Variants in ARHGAP44 observed in about 807,000 individuals in gnomAD.
The protein encoded by ARHGAP44 is rho GTPase-activating protein 44.
In ARHGAP44, 43 loss-of-function variants were observed where a neutral mutation model predicts 106.8. The observed-to-expected ratio is 0.40, with a 90% CI of 0.32 to 0.52. The LOEUF is 0.52. Among genes scored for constraint, ARHGAP44 ranks in the 20% least tolerant of loss-of-function variants. ARHGAP44 has a pLI of 0.48. For synonymous variants in ARHGAP44, 439 were observed against 410.3 expected (o/e 1.07, Z -0.85); for missense variants, 866 against 1,050.5 (o/e 0.82, Z 2.43).
rs147030058 is a variant in ARHGAP44, at chr17:12,920,998, T to A, written c.464+1167T>A. Among the ~76,000 whole-genome samples the A allele has an allele frequency of 4.1e-3, 626 of 152,330 alleles. 4 individuals carry two copies. The highest frequency in any genetic ancestry group is 0.014 in the African/African-American group (575 of 41,572). On this transcript the variant is annotated intron_variant, in intron 6 of 20. Transcript: ENST00000379672. ...AAAGGCAGGTGCGTGAGTATTAATA[T>A]GGAAAGAACTATTTGGTTCTACCTT...
At chr17:12,976,338 C>T (rs1300380017) in intron 18 of ARHGAP44, among the ~76,000 whole-genome samples, 2 of 152,006 alleles carry the variant, frequency 1.3e-5, no homozygotes, top group African/African-American at 4.8e-5. Flanking sequence ...CACGGCCGGG[C>T]ACGGTGGCTC....
chr17:12,980,248 C>T lies in ARHGAP44; in HGVS notation c.1939+15C>T. On this transcript the variant is annotated intron_variant, in intron 19 of 20. Coordinates refer to ENST00000379672, the MANE Select transcript of ARHGAP44 (RefSeq NM_014859.6). ...CCTCCGGAAAGGTATGGCCCTGCTTCCCTTCTCCTTGGTCTCAGGCCGGAG... is the reference window on the plus strand; with the variant it reads ...CCTCCGGAAAGGTATGGCCCTGCTTTCCTTCTCCTTGGTCTCAGGCCGGAG... 1.9e-6 allele frequency: 3 copies of T among 1,595,980 alleles called. No homozygotes were observed. Among genetic ancestry groups the T allele is most frequent in the Non-Finnish European group, 2.6e-6 (3 of 1,170,156 alleles).
chr17:12,804,240 G>A (rs1337677057), intron 1 of ARHGAP44, among the ~76,000 whole-genome samples: 2 of 152,172 alleles, frequency 1.3e-5, no homozygotes, highest in Non-Finnish European at 2.9e-5. Flanking sequence ...GAATAAGAGC[G>A]CTTTCCTCTA....
chr17:12,847,466 C>G (rs114127945), intron 1 of ARHGAP44, among the ~76,000 whole-genome samples: 1 of 149,646 alleles, frequency 6.7e-6, no homozygotes, highest in African/African-American at 2.5e-5. Context: ...TCCGTAACTT[C>G]GTAGCCTCAG....
At chr17:12,882,544 C>G (rs1432588626) in intron 1 of ARHGAP44, among the ~76,000 whole-genome samples, 2 of 152,020 alleles carry the variant, frequency 1.3e-5, no homozygotes, top group African/African-American at 2.4e-5. Context: ...TATTTTCACC[C>G]TCTCCCCAAG....
At chr17:12,918,833 CA>C (rs1184349569) in intron 5 of ARHGAP44, among the ~76,000 whole-genome samples, 4 of 151,608 alleles carry the variant, frequency 2.6e-5, no homozygotes, top group Non-Finnish European at 4.4e-5. Context: ...TTTTTTTTGG[CA>C]GGGCGGGAGT....
At chr17:12,908,191 CTT>C (rs1228178926) in intron 3 of ARHGAP44, among the ~76,000 whole-genome samples, 3 of 95,566 alleles carry the variant, frequency 3.1e-5, no homozygotes, top group African/African-American at 8.7e-5. Flanking sequence ...TGCCTCATTT[CTT>C]TTTTTTTTTT....
chr17:12,798,422 G>GT (rs972611331), intron 1 of ARHGAP44, among the ~76,000 whole-genome samples: 4 of 151,916 alleles, frequency 2.6e-5, no homozygotes, highest in Admixed American at 2.0e-4. Flanking sequence ...ATCACAATGT[G>GT]TTTTTTTCTT....
intron 1 of ARHGAP44, among the ~76,000 whole-genome samples, chr17:12,817,195 T>G (rs2034622816): frequency 6.6e-6 from 1 of 152,036 alleles, no homozygotes; most frequent in African/African-American, 2.4e-5. Flanking sequence ...CATGGGAAAT[T>G]AAAAAGTATT....
chr17:12,885,142 G>A (rs1470144516), intron 1 of ARHGAP44, among the ~76,000 whole-genome samples: 1 of 152,176 alleles, frequency 6.6e-6, no homozygotes, highest in African/African-American at 2.4e-5. Context: ...CTCGTGATCT[G>A]CCCTCCTCGG....
chr17:12,877,567 G>A (rs142795959), intron 1 of ARHGAP44, among the ~76,000 whole-genome samples: 5 of 152,024 alleles, frequency 3.3e-5, no homozygotes, highest in Admixed American at 1.3e-4. Context: ...TGGCTAACAC[G>A]GCGAAATCCC....
In ARHGAP44 at chr17:12,792,044, T is replaced by G. The variant is rs138335907; in HGVS notation, c.53+2153T>G. On this transcript the variant is annotated intron_variant, in intron 1 of 20. Coordinates refer to ENST00000379672, the MANE Select transcript of ARHGAP44 (RefSeq NM_014859.6). ...TCCTTGGTTGGCCTTTTTTCTTAACTCTTTTTCTCCCCATTCTCATCTCTT... is the reference window on the plus strand; with the variant it reads ...TCCTTGGTTGGCCTTTTTTCTTAACGCTTTTTCTCCCCATTCTCATCTCTT... Among the ~76,000 whole-genome samples the G allele has an allele frequency of 2.0e-5, 3 of 152,328 alleles. No homozygotes were observed. In the East Asian group the frequency reaches 5.8e-4, roughly 29 times the overall value.
At chr17:12,835,048 A>T (rs143500444) in intron 1 of ARHGAP44, among the ~76,000 whole-genome samples, 4 of 152,192 alleles carry the variant, frequency 2.6e-5, no homozygotes, top group African/African-American at 7.2e-5. Flanking sequence ...TGCATTTTTA[A>T]TTCATCCGAA....
chr17:12,837,504 A>G (rs921970035), intron 1 of ARHGAP44, among the ~76,000 whole-genome samples: 3 of 152,206 alleles, frequency 2.0e-5, no homozygotes, highest in Admixed American at 6.5e-5. Flanking sequence ...ACAAATGACT[A>G]ATGAGTTGAC....
intron 10 of ARHGAP44, among the ~76,000 whole-genome samples, chr17:12,948,878 A>G (rs1357051721): frequency 6.6e-6 from 1 of 152,164 alleles, no homozygotes; most frequent in Non-Finnish European, 1.5e-5. Context: ...TATCCAGTAA[A>G]TAGTTACTGA....
At chr17:12,895,145 CAAACAAATAAAA>C (rs2037164974) in intron 2 of ARHGAP44, among the ~76,000 whole-genome samples, 166 bp downstream of exon 2, 1 of 151,898 alleles carries the variant, frequency 6.6e-6, no homozygotes, top group Admixed American at 6.6e-5. Flanking sequence ...AAACAAAAAA[CAAACAAATAAAA>C]AAACAAACAA....
chr17:12,885,838 G>A (rs2036866580), intron 1 of ARHGAP44, among the ~76,000 whole-genome samples: 1 of 152,016 alleles, frequency 6.6e-6, no homozygotes, highest in South Asian at 2.1e-4. Flanking sequence ...GTCTTTCACA[G>A]AACAAAAGCT....
chr17:12,816,094 G>C (rs1332240414), intron 1 of ARHGAP44, among the ~76,000 whole-genome samples: 4 of 152,118 alleles, frequency 2.6e-5, no homozygotes, highest in Non-Finnish European at 5.9e-5. Context: ...GGTTGATTTG[G>C]AACAGTACCT....
In ARHGAP44 at chr17:12,926,809, A is replaced by G. The variant is rs189333566; in HGVS notation, c.465-2120A>G. 1.9e-3 allele frequency among the ~76,000 whole-genome samples: 286 copies of G among 152,108 alleles called. 1 individual carries two copies. Among genetic ancestry groups the G allele is most frequent in the African/African-American group, 6.5e-3 (271 of 41,494 alleles). ...TGTAGTCACTTTATATATATTTTAA[A>G]CACTTTCATATTGGTTAGTTATTTT... On this transcript the variant is annotated intron_variant, in intron 6 of 20. Transcript: ENST00000379672.
Sources: allele counts gnomAD v4.1 joint callset (sites outside exome capture counted in the v4.1 genomes callset), GRCh38; gene constraint gnomAD v4.1.1; transcripts MANE v1.5; gene names NCBI Gene and HGNC (gene_info 2026-07-23, HGNC 2026-07-21).